TTC9C: variants seen among roughly 807,000 people sequenced by gnomAD.
The protein encoded by TTC9C is tetratricopeptide repeat domain 9C.
TTC9C carries 15 observed loss-of-function variants against 22.5 expected under a neutral mutation model. That is an observed-to-expected ratio of 0.67 (90% CI 0.45 to 1.03). TTC9C has a LOEUF of 1.03. Among genes scored for constraint, TTC9C ranks in the 50% least tolerant of loss-of-function variants. TTC9C has a pLI of 0.00. For synonymous variants in TTC9C, 92 were observed against 86.8 expected (o/e 1.06, Z -0.33); for missense variants, 244 against 214.6 (o/e 1.14, Z -0.86).
chr11:62,733,233 G>A, intron 1 of TTC9C: 2 of 1,168,788 alleles, frequency 1.7e-6, no homozygotes, highest in Admixed American at 2.8e-5. Flanking sequence ...AGTCATCCAA[G>A]AGAATAGTGA....
At chr11:62,735,028 C>T (rs1200689675) in intron 1 of TTC9C, among the ~76,000 whole-genome samples, 1 of 152,180 alleles carries the variant, frequency 6.6e-6, no homozygotes, top group Non-Finnish European at 1.5e-5. Context: ...TCCCGAGTAG[C>T]TGGGATTACA....
intron 2 of TTC9C, among the ~76,000 whole-genome samples, chr11:62,737,091 C>CG (rs2083921800): frequency 1.3e-5 from 2 of 151,816 alleles, no homozygotes; most frequent in South Asian, 4.1e-4. Context: ...CCCAGCTACT[C>CG]GGGAGGCTGA....
intron 2 of TTC9C, among the ~76,000 whole-genome samples, chr11:62,737,408 G>T (rs1343271969): frequency 6.6e-6 from 1 of 152,160 alleles, no homozygotes; most frequent in Non-Finnish European, 1.5e-5. Flanking sequence ...GACTTACTTT[G>T]TTTCCAAGGC....
rs766583503 is a variant in TTC9C, at chr11:62,729,094, C to T, written c.238+8C>T. ...GCTATAACAATCTAGCTGGTAAGAA[C>T]GGGGCTAAAGGGTGGCTAGAGAGCA... On this transcript the variant is annotated splice_region_variant and intron_variant, in intron 1 of 2. Transcript: ENST00000316461. The T allele has an allele frequency of 2.7e-5, 43 of 1,611,814 alleles. No individual in the cohort carries two copies. In the South Asian group the frequency reaches 3.8e-4, roughly 14 times the overall value.
Position 62,729,569 on chromosome 11 carries a change from A to ATTTTT in TTC9C, c.238+502_238+506dup, listed in dbSNP as rs1204345239. On this transcript the variant is annotated intron_variant, in intron 1 of 2. Transcript: ENST00000316461. ...GCCCGCCAGCCACCACGCCCAGCTA[A>ATTTTT]TTTTTTTTTTTTTTTTTTTTTTTGA... is the stretch of plus-strand genomic sequence containing the variant. 2.0e-4 allele frequency among the ~76,000 whole-genome samples: 23 copies of ATTTTT among 113,598 alleles called. 1 individual carries two copies. The highest frequency in any genetic ancestry group is 8.6e-4 in the African/African-American group (23 of 26,644). The allele number at this position is 113,598 out of a possible 152,430, so 74.5% of individuals were successfully genotyped here.
At chr11:62,731,694 C>CTT (rs201275660) in intron 1 of TTC9C, among the ~76,000 whole-genome samples, 2 of 144,720 alleles carry the variant, frequency 1.4e-5, no homozygotes, top group South Asian at 2.2e-4. Flanking sequence ...TCTTAAAGCA[C>CTT]TTTTTTTTTT....
chr11:62,733,913 A>G (rs1456660650), intron 1 of TTC9C, among the ~76,000 whole-genome samples: 1 of 151,928 alleles, frequency 6.6e-6, no homozygotes, highest in Non-Finnish European at 1.5e-5. Flanking sequence ...AATCACTTGA[A>G]CCTGGGAGGC....
intron 1 of TTC9C, chr11:62,733,066 C>A: frequency 2.7e-6 from 3 of 1,126,174 alleles, no homozygotes; most frequent in Non-Finnish European, 3.5e-6. Context: ...ACTGCTGATT[C>A]TTGATCTTTC....
chr11:62,729,128 GGAACAT>G, intron 1 of TTC9C, 42 bp downstream of exon 1: 1 of 1,560,740 alleles, frequency 6.4e-7, no homozygotes, highest in South Asian at 1.1e-5. Flanking sequence ...CATTAAGACA[GGAACAT>G]GAACATCTGT....
At chr11:62,735,230 T>C (rs1228213674) in intron 1 of TTC9C, 152 bp from the exon 2 acceptor site, 10 of 960,744 alleles carry the variant, frequency 1.0e-5, no homozygotes, top group Non-Finnish European at 1.3e-5. Context: ...GCATCCCCAG[T>C]GTGTAGAAGA....
At position 62,730,668 on chromosome 11, in the gene TTC9C, G is replaced by C. The variant is rs182809612; in HGVS notation, c.238+1582G>C. On this transcript the variant is annotated intron_variant, in intron 1 of 2. Coordinates refer to ENST00000316461, the MANE Select transcript of TTC9C (RefSeq NM_173810.4). ...GGCTCACTGCAACCTCCGCCTCCCG[G>C]GTTCAAGCAATTCTCCTTCCTCAGC... 5.6e-3 allele frequency among the ~76,000 whole-genome samples: 854 copies of C among 152,244 alleles called. 5 individuals carry two copies. The highest frequency in any genetic ancestry group is 8.2e-3 in the Non-Finnish European group (555 of 68,006).
chr11:62,732,343 T>G (rs892361074), intron 1 of TTC9C, among the ~76,000 whole-genome samples: 1 of 151,992 alleles, frequency 6.6e-6, no homozygotes, highest in Non-Finnish European at 1.5e-5. Context: ...GCATGGTGGC[T>G]CATGTCTGTA....
rs1273042716 is a variant in TTC9C, at chr11:62,738,377, G to C, written c.511G>C (p.Gly171Arg). 6.2e-7 allele frequency: 1 copy of C among 1,606,900 alleles called. No homozygotes were observed. Among genetic ancestry groups the C allele is most frequent in the South Asian group, 1.1e-5 (1 of 90,304 alleles). Residue 171 changes from glycine (G) to arginine (R), a missense_variant, in exon 3 of 3, where the codon GGT becomes CGT. Gly to Arg is a moderately radical substitution (Grantham distance 125). Transcript: ENST00000316461. The stretch of plus-strand genomic sequence containing the variant: ...GAAGCAGCTCTACCTGGGCATGTTT[G>C]GTTAACAAAGAAGAAAGATGCTCCT... ...KEKQLYLGMF[G>R]
At chr11:62,735,986 T>G (rs2083907207) in intron 2 of TTC9C, 1 of 152,070 alleles carries the variant, frequency 6.6e-6, no homozygotes, top group Admixed American at 6.6e-5. Flanking sequence ...ATCTGTTATC[T>G]CAGCACTTTG....
rs1277626925 is a variant in TTC9C at position 62,728,870 on chromosome 11, G to A, written c.22G>A (p.Ala8Thr). Reference protein sequence around the residue: MEKRLQEAQLYKEEGNQR... With the variant: MEKRLQETQLYKEEGNQR... ...AGTTATGGAGAAGCGTCTGCAGGAG[G>A]CTCAGCTGTACAAGGAGGAAGGGAA... The change falls in exon 1 of 3, where the codon GCT (alanine) becomes ACT (threonine). Residue 8 changes from alanine to threonine, a missense_variant. Transcript: ENST00000316461. The A allele has an allele frequency of 1.2e-6, 2 of 1,614,160 alleles. No homozygotes were observed. The highest frequency in any genetic ancestry group is 1.7e-6 in the Non-Finnish European group (2 of 1,180,026).
chr11:62,733,330 A>T (rs2083873852), intron 1 of TTC9C: 1 of 388,806 alleles, frequency 2.6e-6, no homozygotes, highest in Admixed American at 4.6e-5. Context: ...TAGAACCTGT[A>T]AGATCTTAGA....
At position 62,728,838 on chromosome 11, in the gene TTC9C, G is replaced by C. The variant is rs1264322815; in HGVS notation, c.-11G>C. ...CACTTCCCAGTTCCGCAAGAACCGTGGGCGACAGTTATGGAGAAGCGTCTG... is the reference window on the plus strand; with the variant it reads ...CACTTCCCAGTTCCGCAAGAACCGTCGGCGACAGTTATGGAGAAGCGTCTG... On this transcript the variant is annotated 5_prime_UTR_variant, in exon 1 of 3. Coordinates refer to ENST00000316461, the MANE Select transcript of TTC9C (RefSeq NM_173810.4). 1.2e-6 allele frequency: 2 copies of C among 1,613,562 alleles called. No individual in the cohort carries two copies. The highest frequency in any genetic ancestry group is 1.7e-5 in the Admixed American group (1 of 59,988).
rs757688427 is a variant in TTC9C at position 62,728,949 on chromosome 11, C to T, written c.101C>T (p.Ala34Val). 8 of 1,614,042 alleles carry T rather than the reference C, an allele frequency of 5.0e-6. No individual in the cohort carries two copies. In the Admixed American group the frequency reaches 1.2e-4, roughly 24 times the overall value. ...YRDAVSRYHR[A>V]LLQLRGLDPS... ...GATGCTGTGAGTAGGTACCATCGAG[C>T]TCTGCTTCAGCTGCGGGGTCTGGAT... The change falls in exon 1 of 3, where the codon GCT becomes GTT. Residue 34 changes from alanine (A) to valine (V), a missense_variant. Transcript: ENST00000316461.
intron 2 of TTC9C, among the ~76,000 whole-genome samples, chr11:62,736,817 G>C (rs557603083): frequency 6.6e-6 from 1 of 150,900 alleles, no homozygotes; most frequent in Non-Finnish European, 1.5e-5. Context: ...AGATTGTGTC[G>C]CACTCTAGCC....
Sources: gnomAD v4.1 joint callset for allele counts (sites outside exome capture counted in the v4.1 genomes callset) on GRCh38, gnomAD v4.1.1 for gene constraint, MANE v1.5 for transcripts, NCBI Gene and HGNC (gene_info 2026-07-23, HGNC 2026-07-21) for gene names.